The following DPP6 variants were observed in gnomAD, a reference collection of about 807,000 sequenced individuals.
The protein encoded by DPP6 is A-type potassium channel modulatory protein DPP6.
A neutral mutation model predicts 122.6 loss-of-function variants in DPP6; 69 were observed. The ratio of observed to expected loss-of-function variants is 0.56; its 90% CI spans 0.46 to 0.69. DPP6 has a LOEUF of 0.69. DPP6 is among the 30% of genes least tolerant of loss of function. DPP6 has a pLI of 0.00. For missense variants in DPP6, 928 were observed against 1,116.9 expected (o/e 0.83, Z 2.41); for synonymous variants, 418 against 433.1 (o/e 0.97, Z 0.43).
chr7:154,801,280 T>C (rs1244207053), intron 12 of DPP6, 75 bp from the exon 13 acceptor site: 2 of 1,531,442 alleles, frequency 1.3e-6, no homozygotes, highest in Non-Finnish European at 1.8e-6. Context: ...TCTCGGGGTG[T>C]ATTTTATCCT....
chr7:153,778,320 A>G, the DPP6 span, among the ~76,000 whole-genome samples: 1 of 152,048 alleles, frequency 6.6e-6, no homozygotes, highest in East Asian at 1.9e-4. Flanking sequence ...GCATGTGGGC[A>G]TTACAAATAT....
At chr7:154,484,168 T>C (rs939171056) in intron 3 of DPP6, among the ~76,000 whole-genome samples, 2 of 151,988 alleles carry the variant, frequency 1.3e-5, no homozygotes, top group Admixed American at 6.6e-5. Flanking sequence ...TTGCAGACTA[T>C]AGTAGGGGAA....
At chr7:154,474,888 TTTTACTAATTATG>T in intron 2 of DPP6, 38 bp from the exon 3 acceptor site, 1 of 1,414,386 alleles carries the variant, frequency 7.1e-7, no homozygotes, top group Non-Finnish European at 1.0e-6. Flanking sequence ...GGTCCTCTCA[TTTTACTAATTATG>T]AAACAAGCTT....
chr7:154,567,963 A>T (rs1317852529), intron 5 of DPP6, among the ~76,000 whole-genome samples: 1 of 152,160 alleles, frequency 6.6e-6, no homozygotes, highest in African/African-American at 2.4e-5. Context: ...CCAACTGTAG[A>T]TTTTTTTGGA....
At chr7:154,094,849 C>T (rs1805212882) in intron 1 of DPP6, 1 of 152,306 alleles carries the variant, frequency 6.6e-6, no homozygotes. Flanking sequence ...CGTAGGTTCT[C>T]ACATGTTTCC....
chr7:154,797,049 C>G (rs1243473426), intron 12 of DPP6, among the ~76,000 whole-genome samples: 1 of 152,150 alleles, frequency 6.6e-6, no homozygotes, highest in Non-Finnish European at 1.5e-5. Flanking sequence ...CCACCTGGAC[C>G]AAACATATAA....
intron 5 of DPP6, among the ~76,000 whole-genome samples, chr7:154,609,439 A>G (rs1009587295): frequency 1.3e-5 from 2 of 152,230 alleles, no homozygotes; most frequent in Non-Finnish European, 2.9e-5. Context: ...GTTGATTTTG[A>G]TCTAAATTTA....
the DPP6 span, among the ~76,000 whole-genome samples, chr7:153,864,870 C>G: frequency 6.6e-6 from 1 of 152,108 alleles, no homozygotes; most frequent in Non-Finnish European, 1.5e-5. Context: ...GACACTTATT[C>G]AGGTTTTTGC....
intron 1 of DPP6, among the ~76,000 whole-genome samples, chr7:154,129,920 A>AAAAG (rs1563228911): frequency 2.6e-5 from 4 of 151,078 alleles, no homozygotes; most frequent in African/African-American, 9.8e-5. Flanking sequence ...AAAGAAAAAG[A>AAAAG]AAAAAATTAG....
intron 1 of DPP6, among the ~76,000 whole-genome samples, chr7:153,963,953 C>T (rs554669901): frequency 6.6e-6 from 1 of 152,190 alleles, no homozygotes; most frequent in Non-Finnish European, 1.5e-5. Flanking sequence ...ATCAGGTCGT[C>T]TACTGCTTCC....
chr7:154,863,368 G>A lies in DPP6; in HGVS notation c.1715-4627G>A, dbSNP rs901278063. On this transcript the variant is annotated intron_variant, in intron 17 of 25. Coordinates refer to ENST00000377770, the MANE Select transcript of DPP6 (RefSeq NM_130797.4). The surrounding 1 kb of genome is among the most constrained non-coding windows in gnomAD (Gnocchi z 4.1). ...GATTTTTTTTTTTTTTTGAGATGGG[G>A]GTCTTGCTCTGTCACCTAGGCTCAA... 6.7e-5 allele frequency among the ~76,000 whole-genome samples: 10 copies of A among 149,250 alleles called. No homozygotes were observed. The highest frequency in any genetic ancestry group is 1.3e-4 in the Admixed American group (2 of 15,068).
chr7:154,114,543 T>C (rs977045321), intron 1 of DPP6, among the ~76,000 whole-genome samples: 3 of 152,092 alleles, frequency 2.0e-5, no homozygotes, highest in Non-Finnish European at 4.4e-5. Flanking sequence ...ACTTAAACAA[T>C]TCATGAGTTT....
intron 1 of DPP6, among the ~76,000 whole-genome samples, chr7:153,998,897 A>G (rs1173329106): frequency 1.3e-5 from 2 of 152,252 alleles, no homozygotes; most frequent in African/African-American, 2.4e-5. Context: ...TAGAGAGTCA[A>G]TTATGCCTTT....
intron 1 of DPP6, among the ~76,000 whole-genome samples, chr7:154,213,737 G>A (rs1231797481): frequency 6.6e-6 from 1 of 151,980 alleles, no homozygotes; most frequent in Non-Finnish European, 1.5e-5. Flanking sequence ...CTCCCCTTTA[G>A]CCTGGGTGAA....
chr7:154,739,413 G>T (rs1448719287), intron 8 of DPP6, among the ~76,000 whole-genome samples: 1 of 152,228 alleles, frequency 6.6e-6, no homozygotes, highest in Non-Finnish European at 1.5e-5. Context: ...CAGGGCAGCT[G>T]AGGGGACGCC....
At chr7:154,634,620 T>TCTC (rs890706036) in intron 5 of DPP6, among the ~76,000 whole-genome samples, 4 of 150,342 alleles carry the variant, frequency 2.7e-5, no homozygotes, top group East Asian at 2.0e-4. Context: ...AAAGCAGTTC[T>TCTC]CTCCTCCTCC....
chr7:153,830,651 G>A, the DPP6 span, among the ~76,000 whole-genome samples: 3 of 152,270 alleles, frequency 2.0e-5, no homozygotes, highest in African/African-American at 4.8e-5. Context: ...TCTTGTGCTC[G>A]TGCTTGGTAA....
chr7:154,743,884 T>C (rs1354161758), intron 8 of DPP6, among the ~76,000 whole-genome samples: 1 of 152,158 alleles, frequency 6.6e-6, no homozygotes, highest in Non-Finnish European at 1.5e-5. Flanking sequence ...GGATTTCACA[T>C]CCCTCAAATA....
At chr7:154,042,066 G>A (rs940432243) in intron 1 of DPP6, among the ~76,000 whole-genome samples, 13 of 152,170 alleles carry the variant, frequency 8.5e-5, no homozygotes, top group African/African-American at 1.7e-4. Flanking sequence ...CTCTTCTCAT[G>A]GTTTCAAAAA....
Sources: allele counts gnomAD v4.1 joint callset (sites outside exome capture counted in the v4.1 genomes callset), GRCh38; gene constraint gnomAD v4.1.1; non-coding constraint Gnocchi (gnomAD v3.1); transcripts MANE v1.5; gene names NCBI Gene and HGNC (gene_info 2026-07-23, HGNC 2026-07-21).